ADAMDEC1: variants seen among roughly 807,000 people sequenced by gnomAD.
The protein encoded by ADAMDEC1 is ADAM DEC1.
ADAMDEC1 carries 62 observed loss-of-function variants against 60.4 expected under a neutral mutation model. The ratio of observed to expected loss-of-function variants is 1.03; its 90% confidence interval spans 0.84 to 1.27. The LOEUF is 1.27. ADAMDEC1 is among the 50% of genes most tolerant of loss of function. The probability of loss-of-function intolerance (pLI) is 0.00; values close to 1 mark genes in which losing one functional copy is unlikely to be tolerated. For missense variants in ADAMDEC1, 595 were observed against 565.0 expected (o/e 1.05, Z -0.54); for synonymous variants, 210 against 195.1 (o/e 1.08, Z -0.64).
At chr8:24,393,708 T>TAGC (rs1406518760) in intron 3 of ADAMDEC1, among the ~76,000 whole-genome samples, 29 of 152,150 alleles carry the variant, frequency 1.9e-4, no homozygotes, top group Non-Finnish European at 3.1e-4. Flanking sequence ...CCTAGTTCTA[T>TAGC]AGCAGTTAAT....
intron 7 of ADAMDEC1, among the ~76,000 whole-genome samples, 186 bp downstream of exon 7, chr8:24,397,931 C>A (rs1817658436): frequency 6.6e-6 from 1 of 151,592 alleles, no homozygotes; most frequent in Non-Finnish European, 1.5e-5. Flanking sequence ...CATCTGCCAC[C>A]AAAATATTTA....
chr8:24,393,360 T>C, intron 3 of ADAMDEC1, 22 bp downstream of exon 3: 9 of 1,493,124 alleles, frequency 6.0e-6, no homozygotes, highest in Non-Finnish European at 7.4e-6. Flanking sequence ...CTCCTAAAAG[T>C]CTAATCACTG....
intron 4 of ADAMDEC1, among the ~76,000 whole-genome samples, chr8:24,394,363 G>A (rs1354707076): frequency 1.3e-5 from 2 of 152,062 alleles, no homozygotes; most frequent in Non-Finnish European, 2.9e-5. Context: ...TAAAACATAG[G>A]AGCAGCAGAA....
chr8:24,404,273 C>G (rs1297646833), intron 13 of ADAMDEC1, among the ~76,000 whole-genome samples, 185 bp downstream of exon 13: 1 of 152,138 alleles, frequency 6.6e-6, no homozygotes, highest in East Asian at 1.9e-4. Context: ...TAGACAAACA[C>G]TCATGAGAAA....
chr8:24,404,996 A>AG (rs1817854568), intron 13 of ADAMDEC1, among the ~76,000 whole-genome samples: 1 of 152,176 alleles, frequency 6.6e-6, no homozygotes, highest in Non-Finnish European at 1.5e-5. Context: ...TTGGAACCCT[A>AG]GGTGAACATG....
At chr8:24,403,720 A>G (rs1307673830) in intron 12 of ADAMDEC1, among the ~76,000 whole-genome samples, 1 of 151,752 alleles carries the variant, frequency 6.6e-6, no homozygotes, top group Non-Finnish European at 1.5e-5. Context: ...TGTATGTTCA[A>G]TTTTTTTTAG....
Position 24,399,438 on chromosome 8 carries a change from T to A in ADAMDEC1, c.975T>A (p.Asn325Lys), listed in dbSNP as rs1817704769. 1.2e-6 allele frequency: 2 copies of A among 1,613,906 alleles called. No individual in the cohort carries two copies. The highest frequency in any genetic ancestry group is 1.7e-6 in the Non-Finnish European group (2 of 1,179,918). The change falls in exon 10 of 14, where the codon AAT (asparagine) becomes AAA (lysine). Residue 325 changes from asparagine to lysine, a missense_variant. Coordinates refer to ENST00000256412, the MANE Select transcript of ADAMDEC1 (RefSeq NM_014479.3). ...GACGTGTGGGACTGGCAGCTTCAAA[T>A]TCCTTGTGTTCCCCATCTTCGGTTG... ...NNRRVGLAAS[N>K]SLCSPSSVAV...
intron 1 of ADAMDEC1, chr8:24,390,221 A>G: frequency 2.7e-6 from 3 of 1,129,760 alleles, no homozygotes; most frequent in Non-Finnish European, 3.5e-6. Flanking sequence ...CAGAGAAGGT[A>G]AGTTGCTTAC....
intron 1 of ADAMDEC1, chr8:24,387,550 A>C (rs1817325204): frequency 6.6e-6 from 1 of 152,136 alleles, no homozygotes; most frequent in Admixed American, 6.6e-5. Flanking sequence ...TTCTTCTGGG[A>C]ACCATGGGTT....
intron 12 of ADAMDEC1, 82 bp from the exon 13 acceptor site, chr8:24,403,921 A>G: frequency 8.9e-7 from 1 of 1,120,308 alleles, no homozygotes; most frequent in Admixed American, 2.2e-5. Flanking sequence ...TTTCATTGCC[A>G]TCTTGTGCCA....
At position 24,392,326 on chromosome 8, in the gene ADAMDEC1, C is replaced by T. The variant is rs763947741; in HGVS notation, c.153C>T (p.His51=). 1.2e-5 allele frequency: 20 copies of T among 1,612,014 alleles called. No homozygotes were observed. The highest frequency in any genetic ancestry group is 3.3e-5 in the Admixed American group (2 of 59,726). ...LHEIVCPKKL[H]ILHKREIKNN... ...AAATAGTTTGTCCTAAAAAACTTCA[C>T]ATTTTACACAAAAGAGAGATCAAGA... Residue 51 remains histidine, a synonymous_variant, in exon 2 of 14, where the codon CAC becomes CAT. Transcript: ENST00000256412.
At chr8:24,384,661 G>GAAAAAAAAA in intron 1 of ADAMDEC1, 69 bp downstream of exon 1, 10 of 1,366,318 alleles carry the variant, frequency 7.3e-6, no homozygotes, top group Admixed American at 7.1e-5. Context: ...AGTGCCTTTT[G>GAAAAAAAAA]AAAAAAAATG....
chr8:24,398,391 A>T (rs1051429387), intron 7 of ADAMDEC1, 89 bp from the exon 8 acceptor site: 2 of 773,234 alleles, frequency 2.6e-6, no homozygotes. Context: ...GAAATTCATA[A>T]TTTTTCTTAA....
intron 11 of ADAMDEC1, 37 bp from the exon 12 acceptor site, chr8:24,401,878 T>TGTATATCATA (rs1817774292): frequency 6.6e-7 from 1 of 1,514,034 alleles, no homozygotes; most frequent in African/African-American, 1.4e-5. Context: ...GGCACCACAC[T>TGTATATCATA]GTATATCATA....
chr8:24,399,977 A>G (rs530690509), intron 10 of ADAMDEC1, among the ~76,000 whole-genome samples, 193 bp from the exon 11 acceptor site: 1 of 152,198 alleles, frequency 6.6e-6, no homozygotes, highest in Non-Finnish European at 1.5e-5. Context: ...TTCAACAAAT[A>G]TTTATTGAAT....
In ADAMDEC1 at chr8:24,399,360, T is replaced by C. The variant is rs1184168789; in HGVS notation, c.930-33T>C. 2.0e-5 allele frequency: 32 copies of C among 1,586,946 alleles called. No individual in the cohort carries two copies. The East Asian group carries it at 6.5e-4, about 32-fold the overall frequency. On this transcript the variant is annotated intron_variant, in intron 9 of 13. Transcript: ENST00000256412. ...AAGCTAATGGTTACAAAGACTCAGA[T>C]TGTGACAGTAGTATCTGTAACTTTT... is the stretch of plus-strand genomic sequence containing the variant.
At chr8:24,395,192 G>A (rs555037787) in intron 4 of ADAMDEC1, among the ~76,000 whole-genome samples, 21 of 152,336 alleles carry the variant, frequency 1.4e-4, no homozygotes, top group Non-Finnish European at 2.8e-4. Flanking sequence ...AAATCAGTTA[G>A]TCTGAGGAGC....
Position 24,394,084 on chromosome 8 carries a change from A to G in ADAMDEC1, c.300A>G (p.Pro100=). The change falls in exon 4 of 14, where the codon CCA becomes CCG. Residue 100 remains proline (P), a synonymous_variant. Transcript: ENST00000256412. ...CTCTCTACAGGCACCTCCTGGGGCCAGACTACACTGAAACATTGTACTCAC... is the reference window on the plus strand; with the variant it reads ...CTCTCTACAGGCACCTCCTGGGGCCGGACTACACTGAAACATTGTACTCAC... The part of the protein sequence containing the change: ...SLQKTKHLLG[P]DYTETLYSPR... 1 of 1,613,306 alleles carries G rather than the reference A, an allele frequency of 6.2e-7. No homozygotes were observed. The highest frequency in any genetic ancestry group is 8.5e-7 in the Non-Finnish European group (1 of 1,179,346).
Position 24,405,388 on chromosome 8 carries a change from A to G in ADAMDEC1, c.*90A>G. 6.9e-7 allele frequency: 1 copy of G among 1,441,756 alleles called. No individual in the cohort carries two copies. Among genetic ancestry groups the G allele is most frequent in the Non-Finnish European group, 9.7e-7 (1 of 1,034,478 alleles). 89.3% of individuals were successfully genotyped at this position (1,441,756 alleles called of 1,614,324 possible). Reference sequence around the variant, plus strand: ...CCAGGAATCTTGTGAATTTTCACCCATAATGGTCTTTCACTTGTCATTCTA... The same window carrying G: ...CCAGGAATCTTGTGAATTTTCACCCGTAATGGTCTTTCACTTGTCATTCTA... On this transcript the variant is annotated 3_prime_UTR_variant, in exon 14 of 14. Transcript: ENST00000256412.
Sources: allele counts gnomAD v4.1 joint callset (sites outside exome capture counted in the v4.1 genomes callset), GRCh38; gene constraint gnomAD v4.1.1; transcripts MANE v1.5; gene names NCBI Gene and HGNC (gene_info 2026-07-23, HGNC 2026-07-21).